JAG2: variants seen among roughly 807,000 people sequenced by gnomAD.
The protein encoded by JAG2 is jagged canonical Notch ligand 2.
A neutral mutation model predicts 141.7 loss-of-function variants in JAG2; 46 were observed. The observed-to-expected ratio is 0.32, with a 90% CI of 0.26 to 0.42. JAG2 has a LOEUF of 0.42. JAG2 is among the 10% of genes least tolerant of loss of function. JAG2 has a pLI of 1.00. For missense variants in JAG2, 1,500 were observed against 1,817.5 expected (o/e 0.83, Z 3.18); for synonymous variants, 862 against 763.5 (o/e 1.13, Z -2.13).
intron 16 of JAG2, 39 bp downstream of exon 16, chr14:105,148,287 G>A: frequency 6.3e-7 from 1 of 1,591,372 alleles, no homozygotes; most frequent in Non-Finnish European, 8.6e-7. Flanking sequence ...CCAGGGTCCT[G>A]GGGGCAGCCC....
intron 20 of JAG2, 81 bp downstream of exon 20, chr14:105,147,245 C>T (rs587627740): frequency 2.1e-5 from 23 of 1,075,932 alleles, no homozygotes; most frequent in African/African-American, 1.4e-4. Flanking sequence ...CTTCAAGGGA[C>T]GTGGACGTTG....
At position 105,143,042 on chromosome 14, in the gene JAG2, C is replaced by T. The variant is rs757044739; in HGVS notation, c.3370G>A (p.Ala1124Thr). 2.4e-5 allele frequency: 39 copies of T among 1,604,002 alleles called. No homozygotes were observed. In the Middle Eastern group the frequency reaches 8.2e-4, roughly 34 times the overall value. The change falls in exon 26 of 26, where the codon GCC (alanine) becomes ACC (threonine). Residue 1124 changes from alanine (A) to threonine (T), a missense_variant. Ala to Thr is a moderately conservative substitution (Grantham distance 58). Coordinates refer to ENST00000331782, the MANE Select transcript of JAG2 (RefSeq NM_002226.5). ...TTGAGCGGGGCCCACTGGTTGTTGG[C>T]GCTCTCCTCCCGCGGCAGCCGGCTC... ...ERSRLPREESANNQWAPLNPI... is the reference protein window; with the variant it reads ...ERSRLPREESTNNQWAPLNPI...
intron 3 of JAG2, among the ~76,000 whole-genome samples, chr14:105,157,429 G>A (rs1210653878): frequency 1.3e-5 from 2 of 152,184 alleles, no homozygotes; most frequent in African/African-American, 2.4e-5. Flanking sequence ...CACACTCAAG[G>A]GTGTCCCCTC....
At chr14:105,157,896 C>T in intron 2 of JAG2, 133 bp from the exon 3 acceptor site, 3 of 802,120 alleles carry the variant, frequency 3.7e-6, no homozygotes, top group Admixed American at 4.0e-5. Flanking sequence ...CAGCCAGGGA[C>T]CCACCACCCT....
Position 105,167,161 on chromosome 14 carries a change from A to G in JAG2, c.417+596T>C, listed in dbSNP as rs1456944097. Among the ~76,000 whole-genome samples, 2 of 152,144 alleles carry G rather than the reference A, an allele frequency of 1.3e-5. No homozygotes were observed. Among genetic ancestry groups the G allele is most frequent in the African/African-American group, 4.8e-5 (2 of 41,446 alleles). On this transcript the variant is annotated intron_variant, in intron 2 of 25. Transcript: ENST00000331782. This position sits in a 1 kb window ranked among gnomAD's most constrained non-coding sequence, Gnocchi z 4.8. ...AACAAAACCAAAAAAACCCACAAAC[A>G]GGGCAGTGCCACAGAAGGTCACTGC...
At chr14:105,150,462 G>C in intron 12 of JAG2, 142 bp downstream of exon 12, 1 of 846,280 alleles carries the variant, frequency 1.2e-6, no homozygotes, top group Non-Finnish European at 1.8e-6. Flanking sequence ...CTGGCACCCA[G>C]TGGAGAGCTG....
Position 105,145,069 on chromosome 14 carries a change from G to C in JAG2, c.2953-8C>G. The C allele has an allele frequency of 6.2e-7, 1 of 1,609,562 alleles. No individual in the cohort carries two copies. Among genetic ancestry groups the C allele is most frequent in the Non-Finnish European group, 8.5e-7 (1 of 1,179,720 alleles). ...GGCGCCCACCGTGGTGCCCTGGGCA[G>C]AGACAGGCAGTGCGTGGGCAGGGCA... On this transcript the variant is annotated splice_region_variant and splice_polypyrimidine_tract_variant and intron_variant, in intron 23 of 25. Transcript: ENST00000331782.
rs1242180947 is a variant in JAG2, at chr14:105,167,405, G to T, written c.417+352C>A. 6.6e-6 allele frequency among the ~76,000 whole-genome samples: 1 copy of T among 152,006 alleles called. No homozygotes were observed. Among genetic ancestry groups the T allele is most frequent in the African/African-American group, 2.4e-5 (1 of 41,400 alleles). The stretch of plus-strand genomic sequence containing the variant: ...CTAGACCAGCCCCAGCACGCGCTGC[G>T]CACATGCCACCGCGGCCTGCCCGGG... On this transcript the variant is annotated intron_variant, in intron 2 of 25. Coordinates refer to ENST00000331782, the MANE Select transcript of JAG2 (RefSeq NM_002226.5). The surrounding 1 kb of genome is among the most constrained non-coding windows in gnomAD (Gnocchi z 4.8).
intron 22 of JAG2, 152 bp from the exon 23 acceptor site, chr14:105,146,125 C>T: frequency 7.7e-7 from 1 of 1,300,024 alleles, no homozygotes; most frequent in African/African-American, 1.5e-5. Flanking sequence ...CACCCCCTAC[C>T]CAGGGCTCCC....
At chr14:105,162,668 A>G (rs1185061657) in intron 2 of JAG2, among the ~76,000 whole-genome samples, 3 of 146,992 alleles carry the variant, frequency 2.0e-5, no homozygotes, top group Non-Finnish European at 2.9e-5. Flanking sequence ...CTTAAAGCCC[A>G]GGACACCTCA....
In JAG2 at chr14:105,145,771, GCA is replaced by G. The variant is rs1296861654; in HGVS notation, c.2910_2911del (p.Ala971ProfsTer9). On this transcript the variant is annotated frameshift_variant, in exon 23 of 26. Coordinates refer to ENST00000331782, the MANE Select transcript of JAG2 (RefSeq NM_002226.5). LOFTEE classifies it high-confidence loss of function. ...ACGGTTGAAATGCAAGGTGAGGCGGGCACAGTTATTGTCCAGGTGGCCGGAGC... is the reference window on the plus strand; with the variant it reads ...ACGGTTGAAATGCAAGGTGAGGCGGGCAGTTATTGTCCAGGTGGCCGGAGC... 3 of 1,587,884 alleles carry G rather than the reference GCA, an allele frequency of 1.9e-6. No homozygotes were observed. The highest frequency in any genetic ancestry group is 2.6e-6 in the Non-Finnish European group (3 of 1,167,434).
chr14:105,148,047 C>T (rs1050938237), intron 17 of JAG2, 69 bp downstream of exon 17: 61 of 1,331,580 alleles, frequency 4.6e-5, no homozygotes, highest in South Asian at 7.6e-5. Context: ...CTCGGCCCAT[C>T]GCGCCCGAGG....
rs149962192 is a variant in JAG2 at position 105,167,992 on chromosome 14, C to T, written c.182G>A (p.Gly61Asp). Residue 61 changes from glycine (G) to aspartate (D), a missense_variant, in exon 2 of 26, where the codon GGC becomes GAC. Physicochemically the swap from Gly to Asp is moderately conservative, Grantham distance 94. Coordinates refer to ENST00000331782, the MANE Select transcript of JAG2 (RefSeq NM_002226.5). The surrounding 1 kb of genome is among the most constrained non-coding windows in gnomAD (Gnocchi z 4.8). ...DGDGRTTRAG[G>D]CGHDECDTYV... ...CGTGTCGCACTCGTCGTGGCCGCAG[C>T]CCCCCGCGCGCGTTGTCCGGCCGTC... 3.1e-6 allele frequency: 5 copies of T among 1,601,546 alleles called. No homozygotes were observed. The highest frequency in any genetic ancestry group is 2.7e-5 in the African/African-American group (2 of 74,294).
chr14:105,162,206 A>C (rs1461432384), intron 2 of JAG2, among the ~76,000 whole-genome samples: 1 of 152,056 alleles, frequency 6.6e-6, no homozygotes, highest in African/African-American at 2.4e-5. Flanking sequence ...GCCCCTGCCC[A>C]GTCTCTGGAG....
intron 9 of JAG2, 84 bp from the exon 10 acceptor site, chr14:105,151,188 C>CAGCCCCAGG: frequency 1.4e-6 from 2 of 1,416,248 alleles, no homozygotes; most frequent in South Asian, 2.4e-5. Flanking sequence ...CGCAGCCCAG[C>CAGCCCCAGG]AGCCCCAGCA....
At chr14:105,157,001 T>C (rs1004370648) in intron 3 of JAG2, among the ~76,000 whole-genome samples, 1 of 151,956 alleles carries the variant, frequency 6.6e-6, no homozygotes, top group African/African-American at 2.4e-5. Context: ...CTCCAACCCA[T>C]TGGCCAACCC....
rs779797389 is a variant in JAG2, at chr14:105,149,046, G to A, written c.1797C>T (p.Gly599=). The A allele has an allele frequency of 1.3e-5, 21 of 1,608,778 alleles. No homozygotes were observed. The South Asian group carries it at 2.2e-4, about 17-fold the overall frequency. The change falls in exon 14 of 26, where the codon GGC becomes GGT. Residue 599 remains glycine, a synonymous_variant. Coordinates refer to ENST00000331782, the MANE Select transcript of JAG2 (RefSeq NM_002226.5). The part of the protein sequence containing the change: ...CGSDAGPGMP[G]TAASGVCGPH... Reference sequence around the variant, plus strand: ...GGCCACACACGCCGGAGGCTGCTGTGCCAGGCATCCCAGGCCCCGCGTCTG... The same window carrying A: ...GGCCACACACGCCGGAGGCTGCTGTACCAGGCATCCCAGGCCCCGCGTCTG...
At chr14:105,147,659 G>T in intron 18 of JAG2, 113 bp downstream of exon 18, 1 of 1,120,456 alleles carries the variant, frequency 8.9e-7, no homozygotes, top group South Asian at 1.3e-5. Flanking sequence ...TTTTGCTGGG[G>T]GCAGGGGCAG....
rs760962290 is a variant in JAG2 at position 105,167,039 on chromosome 14, C to A, written c.417+718G>T. ...CCCAGTGACACTGGACCCCTACCAC[C>A]CCTCCTCCCAGCACGCCCAGGCCAG... On this transcript the variant is annotated intron_variant, in intron 2 of 25. Transcript: ENST00000331782. This position sits in a 1 kb window ranked among gnomAD's most constrained non-coding sequence, Gnocchi z 4.8. Among the ~76,000 whole-genome samples the A allele has an allele frequency of 1.4e-3, 215 of 152,286 alleles. 2 individuals carry two copies. Among genetic ancestry groups the A allele is most frequent in the Middle Eastern group, 0.01 (3 of 294 alleles).
Sources: gnomAD v4.1 joint callset for allele counts (sites outside exome capture counted in the v4.1 genomes callset) on GRCh38, gnomAD v4.1.1 for gene constraint, Gnocchi (gnomAD v3.1) non-coding constraint, MANE v1.5 for transcripts, NCBI Gene and HGNC (gene_info 2026-07-23, HGNC 2026-07-21) for gene names.